PHACTR1: variants seen among roughly 807,000 people sequenced by gnomAD.
The protein encoded by PHACTR1 is phosphatase and actin regulator 1.
A neutral mutation model predicts 69.2 loss-of-function variants in PHACTR1; 16 were observed. The observed-to-expected ratio is 0.23, with a 90% CI of 0.16 to 0.35. The LOEUF is 0.35. Ranked by LOEUF, PHACTR1 falls within the 10% of genes least tolerant of loss-of-function variation. The pLI, the probability that PHACTR1 is intolerant of heterozygous loss-of-function variation, is 1.00. For missense variants in PHACTR1, 510 were observed against 734.7 expected (o/e 0.69, Z 3.54); for synonymous variants, 312 against 284.5 (o/e 1.10, Z -0.97).
At chr6:12,727,017 T>C (rs1324620476) in intron 3 of PHACTR1, among the ~76,000 whole-genome samples, 1 of 152,178 alleles carries the variant, frequency 6.6e-6, no homozygotes, top group Non-Finnish European at 1.5e-5. Flanking sequence ...CAAATACTTG[T>C]TGTTTTATTT....
chr6:13,018,709 G>A lies in PHACTR1; in HGVS notation c.251-34656G>A, dbSNP rs112280970. On this transcript the variant is annotated intron_variant, in intron 4 of 14. Transcript: ENST00000332995. Reference sequence around the variant, plus strand: ...GGGTCAGACTGAGGACAGAGTGGTAGGTTCCACCTTGGGCAAGAGAAGGAA... The same window carrying A: ...GGGTCAGACTGAGGACAGAGTGGTAAGTTCCACCTTGGGCAAGAGAAGGAA... 3.7e-3 allele frequency among the ~76,000 whole-genome samples: 567 copies of A among 152,200 alleles called. 5 individuals carry two copies. Among genetic ancestry groups the A allele is most frequent in the African/African-American group, 0.013 (529 of 41,490 alleles).
At chr6:12,991,443 T>C (rs1162397338) in intron 4 of PHACTR1, among the ~76,000 whole-genome samples, 1 of 152,208 alleles carries the variant, frequency 6.6e-6, no homozygotes, top group Non-Finnish European at 1.5e-5. Context: ...CAACAGGTCA[T>C]TCCGTTACCT....
intron 5 of PHACTR1, among the ~76,000 whole-genome samples, chr6:13,094,489 G>T (rs549380281): frequency 5.2e-4 from 79 of 151,450 alleles, no homozygotes; most frequent in Non-Finnish European, 9.7e-4. Context: ...GAGAGGGGGG[G>T]TTTCACCATA....
At chr6:13,233,846 C>T (rs1429523826) in intron 10 of PHACTR1, among the ~76,000 whole-genome samples, 1 of 152,204 alleles carries the variant, frequency 6.6e-6, no homozygotes, top group Non-Finnish European at 1.5e-5. Context: ...TGGCCTGCAT[C>T]CTTCCTCTGA....
intron 3 of PHACTR1, among the ~76,000 whole-genome samples, chr6:12,740,090 A>C (rs1172587959): frequency 1.3e-5 from 2 of 152,184 alleles, no homozygotes; most frequent in Non-Finnish European, 2.9e-5. Context: ...TGTGGTATGT[A>C]GTCTTTCAGG....
intron 4 of PHACTR1, among the ~76,000 whole-genome samples, chr6:12,866,479 G>A (rs185293002): frequency 1.4e-3 from 218 of 151,908 alleles, no homozygotes; most frequent in Admixed American, 3.0e-3. Flanking sequence ...GAAAAAGAAT[G>A]GAAAAGTTTC....
intron 4 of PHACTR1, among the ~76,000 whole-genome samples, chr6:12,844,723 G>A (rs1282404087): frequency 6.6e-6 from 1 of 151,472 alleles, no homozygotes; most frequent in African/African-American, 2.4e-5. Context: ...AAGTATTTGA[G>A]GTAGGAAGGA....
chr6:13,083,006 T>C (rs1053207987), intron 5 of PHACTR1, among the ~76,000 whole-genome samples: 2 of 152,246 alleles, frequency 1.3e-5, no homozygotes, highest in African/African-American at 4.8e-5. Context: ...GTTTTAGACA[T>C]GAAGTCCTTG....
Position 13,230,060 on chromosome 6 carries a change from A to G in PHACTR1, c.1258A>G (p.Arg420Gly). 2 of 1,610,886 alleles carry G rather than the reference A, an allele frequency of 1.2e-6. No homozygotes were observed. Among genetic ancestry groups the G allele is most frequent in the Admixed American group, 1.7e-5 (1 of 59,650 alleles). ...YTSSLAMKVCRKDSLAIKLSN... is the reference protein window; with the variant it reads ...YTSSLAMKVCGKDSLAIKLSN... ...AGGCTCCCTGGCCATGAAGGTCTGC[A>G]GGAAGGACTCCTTAGCCATCAAACT... The change falls in exon 10 of 15, where the codon AGG (arginine) becomes GGG (glycine). Residue 420 changes from arginine (R) to glycine (G), a missense_variant. Transcript: ENST00000332995.
intron 4 of PHACTR1, among the ~76,000 whole-genome samples, chr6:13,011,024 C>T (rs1321397189): frequency 6.6e-6 from 1 of 152,200 alleles, no homozygotes; most frequent in Non-Finnish European, 1.5e-5. Flanking sequence ...AAGCTATATT[C>T]CATCCTGGGC....
intron 10 of PHACTR1, among the ~76,000 whole-genome samples, chr6:13,247,559 T>C (rs55710269): frequency 0.014 from 2,119 of 152,242 alleles, 43 homozygotes; most frequent in African/African-American, 0.047. Flanking sequence ...TTGGCCAGGC[T>C]GATCTCGAAC....
chr6:12,881,502 A>G (rs929825400), intron 4 of PHACTR1, among the ~76,000 whole-genome samples: 1 of 151,732 alleles, frequency 6.6e-6, no homozygotes, highest in Non-Finnish European at 1.5e-5. Flanking sequence ...TCCCTGGAAT[A>G]CTCTTCCCCC....
At chr6:12,882,395 G>A (rs573442249) in intron 4 of PHACTR1, among the ~76,000 whole-genome samples, 1 of 152,188 alleles carries the variant, frequency 6.6e-6, no homozygotes, top group Admixed American at 6.5e-5. Flanking sequence ...GATCCACATA[G>A]TGACTTTTTA....
At chr6:12,895,514 A>G (rs1784577314) in intron 4 of PHACTR1, among the ~76,000 whole-genome samples, 1 of 152,158 alleles carries the variant, frequency 6.6e-6, no homozygotes, top group Non-Finnish European at 1.5e-5. Flanking sequence ...TAACAAAACT[A>G]TAATAAGCAA....
chr6:13,193,322 C>T (rs925771660), intron 7 of PHACTR1, among the ~76,000 whole-genome samples: 2 of 132,028 alleles, frequency 1.5e-5, no homozygotes, highest in South Asian at 2.3e-4. Context: ...CTTACACTGT[C>T]ACCATGAATA....
intron 5 of PHACTR1, among the ~76,000 whole-genome samples, chr6:13,118,509 C>T (rs1354806143): frequency 2.3e-5 from 3 of 131,802 alleles, no homozygotes; most frequent in Admixed American, 1.7e-4. Context: ...GACGGAGTCT[C>T]GCTTTGTTGC....
chr6:12,879,912 G>A (rs914767132), intron 4 of PHACTR1, among the ~76,000 whole-genome samples: 40 of 152,112 alleles, frequency 2.6e-4, no homozygotes, highest in African/African-American at 9.7e-4. Context: ...CCTTGTAGTA[G>A]CTAGGACACT....
At chr6:12,880,458 G>A (rs184309778) in intron 4 of PHACTR1, among the ~76,000 whole-genome samples, 256 of 152,084 alleles carry the variant, frequency 1.7e-3, no homozygotes, top group African/African-American at 5.9e-3. Flanking sequence ...GTTTTGCCAC[G>A]TTGCCCAGGC....
At chr6:12,774,944 A>T (rs184155654) in intron 4 of PHACTR1, among the ~76,000 whole-genome samples, 205 of 152,324 alleles carry the variant, frequency 1.3e-3, no homozygotes, top group Non-Finnish European at 2.5e-3. Context: ...CTTCTAGAAC[A>T]TGGCTAGAAC....
Sources: gnomAD v4.1 joint callset for allele counts (sites outside exome capture counted in the v4.1 genomes callset) on GRCh38, gnomAD v4.1.1 for gene constraint, MANE v1.5 for transcripts, NCBI Gene and HGNC (gene_info 2026-07-23, HGNC 2026-07-21) for gene names.